TVP23A: variants seen among roughly 807,000 people sequenced by gnomAD.
TVP23A encodes the protein trans-golgi network vesicle protein 23 homolog A, also known as Golgi apparatus membrane protein TVP23 homolog A.
Under a neutral mutation model 31.7 loss-of-function variants are expected in TVP23A, and 21 were observed. That is an observed-to-expected ratio of 0.66 (90% confidence interval 0.47 to 0.95). The LOEUF is 0.95. Among genes scored for constraint, TVP23A ranks in the 40% least tolerant of loss-of-function variants. The probability of loss-of-function intolerance (pLI) is 0.00; values close to 1 mark genes in which losing one functional copy is unlikely to be tolerated. For missense variants in TVP23A, 279 were observed against 255.6 expected, an observed-to-expected ratio of 1.09 and a Z score of -0.62; for synonymous variants, 104 against 96.0, an observed-to-expected ratio of 1.08 and a Z score of -0.49.
intron 2 of TVP23A, among the ~76,000 whole-genome samples, chr16:10,806,693 G>A (rs1315791420): frequency 6.6e-6 from 1 of 151,994 alleles, no homozygotes; most frequent in Admixed American, 6.6e-5. Flanking sequence ...GTAGAGACAG[G>A]GTTTCACCAT....
At chr16:10,774,559 A>G (rs1293121360) in intron 3 of TVP23A, among the ~76,000 whole-genome samples, 1 of 146,444 alleles carries the variant, frequency 6.8e-6, no homozygotes, top group East Asian at 2.1e-4. Flanking sequence ...ACGAGATCTG[A>G]TGGTTTTTAT....
At chr16:10,761,748 G>C (rs780071977), downstream of TVP23A, 1 of 1,607,250 alleles carries the variant, frequency 6.2e-7, no homozygotes, top group East Asian at 2.2e-5. Flanking sequence ...CTTTGAATTT[G>C]CCTTGCAGAA....
intron 2 of TVP23A, among the ~76,000 whole-genome samples, chr16:10,789,619 AG>A (rs958291370): frequency 6.8e-5 from 10 of 147,798 alleles, no homozygotes; most frequent in African/African-American, 2.5e-4. Flanking sequence ...ACCTGAGGTC[AG>A]GAGTTCAAGA....
chr16:10,814,460 T>A (rs947920940), intron 2 of TVP23A, among the ~76,000 whole-genome samples: 3 of 152,154 alleles, frequency 2.0e-5, no homozygotes, highest in African/African-American at 7.2e-5. Context: ...TGATGATCCC[T>A]GTCCCTACCC....
chr16:10,770,437 A>C, intron 6 of TVP23A, 106 bp from the exon 7 acceptor site: 2 of 1,292,232 alleles, frequency 1.5e-6, no homozygotes, highest in Middle Eastern at 1.9e-4. Context: ...AAACCTGCGG[A>C]ATTGGTTGCT....
chr16:10,757,923 C>G, downstream of TVP23A: 1 of 1,614,106 alleles, frequency 6.2e-7, no homozygotes, highest in Admixed American at 1.7e-5. This position sits in a 1 kb window ranked among gnomAD's most constrained non-coding sequence, Gnocchi z 4.1. Flanking sequence ...GGTCGACTAC[C>G]TCATTGTGGA....
intron 2 of TVP23A, among the ~76,000 whole-genome samples, chr16:10,788,495 C>T (rs1014775503): frequency 9.2e-5 from 14 of 152,154 alleles, no homozygotes; most frequent in Admixed American, 2.6e-4. Flanking sequence ...AGGCTGGTCT[C>T]TGTTGGGGAC....
intron 2 of TVP23A, among the ~76,000 whole-genome samples, chr16:10,785,948 C>T (rs2032728249): frequency 6.6e-6 from 1 of 152,136 alleles, no homozygotes; most frequent in Non-Finnish European, 1.5e-5. Flanking sequence ...CCAACAGAGA[C>T]CAGCCTGACC....
At chr16:10,799,790 C>G (rs2033602552) in intron 2 of TVP23A, among the ~76,000 whole-genome samples, 1 of 152,048 alleles carries the variant, frequency 6.6e-6, no homozygotes, top group African/African-American at 2.4e-5. Flanking sequence ...TGGATGAGAC[C>G]ATGAGGACAG....
intron 2 of TVP23A, among the ~76,000 whole-genome samples, chr16:10,814,249 C>G (rs1253465580): frequency 6.6e-6 from 1 of 152,132 alleles, no homozygotes; most frequent in Non-Finnish European, 1.5e-5. Flanking sequence ...AACATACCCA[C>G]CTGGATACAT....
chr16:10,804,657 G>T (rs542519875), intron 2 of TVP23A, among the ~76,000 whole-genome samples: 1 of 152,252 alleles, frequency 6.6e-6, no homozygotes, highest in African/African-American at 2.4e-5. Flanking sequence ...GAGGGGGGAG[G>T]ATCGCTTGAG....
chr16:10,758,886 C>G (rs766986159), downstream of TVP23A, among the ~76,000 whole-genome samples: 2 of 152,138 alleles, frequency 1.3e-5, no homozygotes, highest in Non-Finnish European at 2.9e-5. Flanking sequence ...ATGGTGAGCC[C>G]GAGCTGAGAG....
intron 2 of TVP23A, among the ~76,000 whole-genome samples, chr16:10,810,346 C>T (rs2034138670): frequency 6.6e-6 from 1 of 151,962 alleles, no homozygotes; most frequent in African/African-American, 2.4e-5. Context: ...CTCTGGAGCT[C>T]AAGACCAGCC....
chr16:10,773,945 G>A (rs2031813058), intron 4 of TVP23A, 94 bp downstream of exon 4: 2 of 972,040 alleles, frequency 2.1e-6, no homozygotes, highest in Admixed American at 2.3e-5. Context: ...TGTAAGGCAG[G>A]AATCAGATAT....
intron 2 of TVP23A, among the ~76,000 whole-genome samples, chr16:10,798,521 G>C (rs534213739): frequency 8.5e-5 from 13 of 152,314 alleles, no homozygotes; most frequent in Non-Finnish European, 8.8e-5. Context: ...CTGACTGCCT[G>C]GTGGTCATAC....
At chr16:10,793,564 A>C (rs2033220125) in intron 2 of TVP23A, among the ~76,000 whole-genome samples, 5 of 152,132 alleles carry the variant, frequency 3.3e-5, no homozygotes, top group Admixed American at 3.3e-4. Flanking sequence ...GTGCTGCTGT[A>C]ACAGAATATC....
Position 10,774,608 on chromosome 16 carries a change from T to C in TVP23A, c.234+344A>G, listed in dbSNP as rs72785624. 2.9e-3 allele frequency among the ~76,000 whole-genome samples: 160 copies of C among 56,052 alleles called. 1 individual carries two copies. The South Asian group carries it at 0.03, about 10-fold the overall frequency. The allele number at this position is 56,052 out of a possible 152,430, so 36.8% of individuals were successfully genotyped here. A position where few individuals can be genotyped will look rare whatever the true frequency, so the allele number is the denominator to read the frequency against. ...CTCACTTGGCTCTCATTCTCTCTCT[T>C]TTTTTTTTTTTTTTTTTCCGAGACA... On this transcript the variant is annotated intron_variant, in intron 3 of 7. Coordinates refer to ENST00000299866, the MANE Select transcript of TVP23A (RefSeq NM_001079512.4).
At chr16:10,816,694 A>G (rs1254959313) in intron 2 of TVP23A, among the ~76,000 whole-genome samples, 1 of 151,982 alleles carries the variant, frequency 6.6e-6, no homozygotes, top group Non-Finnish European at 1.5e-5. Flanking sequence ...TGGACGCTAA[A>G]TGCCAACACA....
At chr16:10,759,584 G>A (rs187897447), downstream of TVP23A, among the ~76,000 whole-genome samples, 1 of 152,254 alleles carries the variant, frequency 6.6e-6, no homozygotes, top group East Asian at 1.9e-4. This position sits in a 1 kb window ranked among gnomAD's most constrained non-coding sequence, Gnocchi z 4.7. Context: ...GACCAGACTG[G>A]CCAATATGGC....
Sources: allele counts gnomAD v4.1 joint callset (sites outside exome capture counted in the v4.1 genomes callset), GRCh38; gene constraint gnomAD v4.1.1; non-coding constraint Gnocchi (gnomAD v3.1); transcripts MANE v1.5; gene names NCBI Gene and HGNC (gene_info 2026-07-23, HGNC 2026-07-21).